Variants in PARD3B observed in about 807,000 individuals in gnomAD.
PARD3B encodes the protein par-3 family cell polarity regulator beta.
In PARD3B, 103 loss-of-function variants were observed where a neutral mutation model predicts 130.2. That is an observed-to-expected ratio of 0.79 (90% confidence interval 0.67 to 0.93). The LOEUF (loss-of-function observed/expected upper bound fraction) is 0.93. Ranked by LOEUF, PARD3B falls within the 40% of genes least tolerant of loss-of-function variation. The pLI is 0.00. For missense variants in PARD3B, 1,609 were observed against 1,499.2 expected (o/e 1.07, Z -1.21); for synonymous variants, 583 against 553.2 (o/e 1.05, Z -0.76).
chr2:205,493,931 T>G (rs924323785), intron 20 of PARD3B, among the ~76,000 whole-genome samples: 3 of 151,890 alleles, frequency 2.0e-5, no homozygotes, highest in African/African-American at 7.3e-5. Context: ...TAATTTTTTT[T>G]TGTATTTTTA....
chr2:204,558,528 C>T (rs1055764873), intron 1 of PARD3B, among the ~76,000 whole-genome samples: 8 of 151,976 alleles, frequency 5.3e-5, no homozygotes, highest in East Asian at 1.9e-4. Flanking sequence ...AAACACTGCT[C>T]GACAAAATAA....
chr2:205,271,862 A>G (rs1187339135), intron 16 of PARD3B, among the ~76,000 whole-genome samples: 1 of 152,206 alleles, frequency 6.6e-6, no homozygotes, highest in African/African-American at 2.4e-5. Flanking sequence ...TACCAAGATT[A>G]GTGAAAGATG....
chr2:205,353,942 A>G (rs943805817), intron 18 of PARD3B, among the ~76,000 whole-genome samples: 1 of 151,718 alleles, frequency 6.6e-6, no homozygotes, highest in Admixed American at 6.6e-5. Context: ...TCTTTAGTAT[A>G]TGAGGAAACA....
At chr2:205,444,392 T>C (rs1257941788) in intron 20 of PARD3B, among the ~76,000 whole-genome samples, 1 of 152,192 alleles carries the variant, frequency 6.6e-6, no homozygotes, top group Non-Finnish European at 1.5e-5. Flanking sequence ...AGTCCAAGGC[T>C]GTAGTGACCT....
chr2:204,789,858 T>G (rs1398362995), intron 2 of PARD3B, among the ~76,000 whole-genome samples: 1 of 145,656 alleles, frequency 6.9e-6, no homozygotes, highest in Non-Finnish European at 1.5e-5. Flanking sequence ...TGAAGGTGAA[T>G]TTTTAGTTTT....
chr2:204,990,320 A>G (rs532381411), intron 3 of PARD3B, among the ~76,000 whole-genome samples: 42 of 151,970 alleles, frequency 2.8e-4, no homozygotes, highest in Middle Eastern at 6.9e-3. Flanking sequence ...GATATTTGAT[A>G]TATGCATACA....
intron 2 of PARD3B, among the ~76,000 whole-genome samples, chr2:204,745,220 G>A (rs1347018142): frequency 6.6e-6 from 1 of 152,072 alleles, no homozygotes; most frequent in East Asian, 1.9e-4. Flanking sequence ...GGCTTTTCCC[G>A]TGGTAGCATT....
At chr2:205,022,955 T>C (rs551362649) in intron 3 of PARD3B, among the ~76,000 whole-genome samples, 2 of 152,292 alleles carry the variant, frequency 1.3e-5, no homozygotes, top group African/African-American at 4.8e-5. Flanking sequence ...GCTATTTATT[T>C]AGATTGTGTG....
At chr2:205,533,399 AT>A (rs1559187349) in intron 21 of PARD3B, among the ~76,000 whole-genome samples, 1 of 152,168 alleles carries the variant, frequency 6.6e-6, no homozygotes, top group Non-Finnish European at 1.5e-5. Context: ...TTATTCTCCT[AT>A]CCACCAGATT....
In PARD3B at chr2:205,300,678, T is replaced by C. The variant is rs2041963440; in HGVS notation, c.2334T>C (p.Asn778=). The C allele has an allele frequency of 6.2e-7, 1 of 1,614,000 alleles. No individual in the cohort carries two copies. The highest frequency in any genetic ancestry group is 8.5e-7 in the Non-Finnish European group (1 of 1,180,018). The change falls in exon 17 of 23, where the codon AAT becomes AAC. Residue 778 remains asparagine, a synonymous_variant. Coordinates refer to ENST00000406610, the MANE Select transcript of PARD3B (RefSeq NM_001302769.2). This position sits in a 1 kb window ranked among gnomAD's most constrained non-coding sequence, Gnocchi z 4.1. ...RPHMVRGRGC[N]ESFRAAIDKS... is the part of the protein sequence containing the mutation. The stretch of plus-strand genomic sequence containing the variant: ...ACATGGTTCGAGGCCGAGGCTGCAA[T>C]GAGAGCTTTAGAGCAGCCATTGACA...
intron 19 of PARD3B, among the ~76,000 whole-genome samples, chr2:205,437,534 C>A (rs1247637066): frequency 6.6e-5 from 10 of 152,178 alleles, no homozygotes; most frequent in African/African-American, 2.2e-4. Flanking sequence ...AGTTACTGAG[C>A]ACTTGAAATG....
At chr2:205,422,308 G>A (rs938195527) in intron 19 of PARD3B, among the ~76,000 whole-genome samples, 1 of 152,188 alleles carries the variant, frequency 6.6e-6, no homozygotes, top group African/African-American at 2.4e-5. Context: ...GGCGGTGACC[G>A]AGTGGATAGC....
intron 4 of PARD3B, among the ~76,000 whole-genome samples, chr2:205,099,069 G>A (rs1687783667): frequency 6.6e-6 from 1 of 152,090 alleles, no homozygotes; most frequent in Non-Finnish European, 1.5e-5. Flanking sequence ...CTGACCAGTT[G>A]GCAGGACACA....
rs952071532 is a variant in PARD3B, at chr2:204,845,495, A to G, written c.223-119657A>G. Among the ~76,000 whole-genome samples the G allele has an allele frequency of 5.9e-5, 9 of 152,236 alleles. No individual in the cohort carries two copies. The East Asian group carries it at 1.3e-3, about 23-fold the overall frequency. On this transcript the variant is annotated intron_variant, in intron 2 of 22. Coordinates refer to ENST00000406610, the MANE Select transcript of PARD3B (RefSeq NM_001302769.2). ...ATTTTACTCATAGAGTAAAAATTAC[A>G]TTGTTAGATATGTAAGGGGTGGTAA...
At chr2:205,344,684 C>T (rs769435696) in intron 18 of PARD3B, among the ~76,000 whole-genome samples, 10 of 152,096 alleles carry the variant, frequency 6.6e-5, no homozygotes, top group South Asian at 2.1e-4. Context: ...TGGGAGCCAC[C>T]GGTTTTATTT....
chr2:204,559,176 G>A (rs1359134428), intron 1 of PARD3B, among the ~76,000 whole-genome samples: 1 of 152,164 alleles, frequency 6.6e-6, no homozygotes, highest in Non-Finnish European at 1.5e-5. Context: ...GGCAACACAA[G>A]CCAAAATTGA....
intron 2 of PARD3B, among the ~76,000 whole-genome samples, chr2:204,832,677 C>T (rs112508612): frequency 2.2e-3 from 342 of 152,192 alleles, no homozygotes; most frequent in African/African-American, 7.4e-3. Flanking sequence ...GTGATGGGTA[C>T]GCTGGGCTTG....
intron 2 of PARD3B, among the ~76,000 whole-genome samples, chr2:204,783,162 A>G (rs945470862): frequency 1.3e-5 from 2 of 152,170 alleles, no homozygotes; most frequent in African/African-American, 4.8e-5. Context: ...TGAGCTCTTC[A>G]TGCAATGGAG....
At chr2:204,784,544 G>A (rs768901854) in intron 2 of PARD3B, among the ~76,000 whole-genome samples, 3 of 152,096 alleles carry the variant, frequency 2.0e-5, no homozygotes, top group Non-Finnish European at 4.4e-5. Context: ...TAAATGCCAC[G>A]GATGGAGGAA....
Sources: gnomAD v4.1 joint callset for allele counts (sites outside exome capture counted in the v4.1 genomes callset) on GRCh38, gnomAD v4.1.1 for gene constraint, Gnocchi (gnomAD v3.1) non-coding constraint, MANE v1.5 for transcripts, NCBI Gene and HGNC (gene_info 2026-07-23, HGNC 2026-07-21) for gene names.